Variants in ABRA observed in about 807,000 individuals in gnomAD.
ABRA encodes actin binding Rho activating protein.
ABRA carries 25 observed loss-of-function variants against 33.4 expected under a neutral mutation model. That is an observed-to-expected ratio of 0.75 (90% CI 0.55 to 1.04). The LOEUF is 1.04. Among genes scored for constraint, ABRA ranks in the 50% least tolerant of loss-of-function variants. The pLI is 0.00. For synonymous variants in ABRA, 193 were observed against 176.8 expected (o/e 1.09, Z -0.73); for missense variants, 501 against 491.7 (o/e 1.02, Z -0.18).
At chr8:106,763,616 T>C (rs1185617518) in intron 1 of ABRA, among the ~76,000 whole-genome samples, 1 of 152,164 alleles carries the variant, frequency 6.6e-6, no homozygotes, top group African/African-American at 2.4e-5. Context: ...ACCTTGTCCC[T>C]TGTGAGCCAT....
At chr8:106,763,724 A>G (rs1836169346) in intron 1 of ABRA, among the ~76,000 whole-genome samples, 1 of 152,238 alleles carries the variant, frequency 6.6e-6, no homozygotes, top group African/African-American at 2.4e-5. Flanking sequence ...GCCAGACTTA[A>G]CAGCTGAGGT....
chr8:106,769,220 T>C (rs1201660874), intron 1 of ABRA, among the ~76,000 whole-genome samples: 1 of 152,206 alleles, frequency 6.6e-6, no homozygotes, highest in East Asian at 1.9e-4. Flanking sequence ...ACTTAAAGAA[T>C]TCACGAAAAA....
Position 106,769,627 on chromosome 8 carries a change from GC to G in ABRA, c.563del (p.Ser188ThrfsTer2). 1 of 1,614,120 alleles carries G rather than the reference GC, an allele frequency of 6.2e-7. No homozygotes were observed. Among genetic ancestry groups the G allele is most frequent in the Non-Finnish European group, 8.5e-7 (1 of 1,180,016 alleles). Reference protein sequence around the residue: ...EQEEPTWRSDSVDTEDSGYGG... With the variant: ...EQEEPTWRSDXVDTEDSGYGG... ...CATAGCCGCTGTCCTCTGTGTCTAC[GC>G]TGTCACTCCTCCATGTGGGCTCCTC... On this transcript the variant is annotated frameshift_variant, in exon 1 of 2. Transcript: ENST00000311955. LOFTEE classifies it high-confidence loss of function.
intron 1 of ABRA, among the ~76,000 whole-genome samples, chr8:106,763,733 G>C (rs981015760): frequency 6.6e-6 from 1 of 152,220 alleles, no homozygotes; most frequent in African/African-American, 2.4e-5. Flanking sequence ...AACAGCTGAG[G>C]TGTCCTGCCA....
chr8:106,767,340 C>A (rs1016983320), intron 1 of ABRA, among the ~76,000 whole-genome samples: 10 of 152,230 alleles, frequency 6.6e-5, no homozygotes, highest in African/African-American at 2.4e-4. Flanking sequence ...AGTCTTTATT[C>A]TTTTGGACCC....
chr8:106,769,866 C>T lies in ABRA; in HGVS notation c.325G>A (p.Val109Met), dbSNP rs763521260. 2 of 1,614,154 alleles carry T rather than the reference C, an allele frequency of 1.2e-6. No individual in the cohort carries two copies. The highest frequency in any genetic ancestry group is 1.7e-6 in the Non-Finnish European group (2 of 1,180,038). Residue 109 changes from valine to methionine, a missense_variant, in exon 1 of 2, where the codon GTG (valine) becomes ATG (methionine). Coordinates refer to ENST00000311955, the MANE Select transcript of ABRA (RefSeq NM_139166.5). ...PEVSHIKKKEVSKTVVSKTYE... is the reference protein window; with the variant it reads ...PEVSHIKKKEMSKTVVSKTYE... The stretch of plus-strand genomic sequence containing the variant: ...GTCTTGCTGACCACCGTTTTGGACA[C>T]CTCTTTCTTTTTGATGTGAGAAACC...
intron 1 of ABRA, among the ~76,000 whole-genome samples, chr8:106,767,325 C>G (rs182597171): frequency 1.7e-4 from 26 of 152,244 alleles, no homozygotes; most frequent in Admixed American, 1.5e-3. Flanking sequence ...TCATTGTGCC[C>G]CCTCAGTCTT....
chr8:106,766,984 T>A (rs1202336856), intron 1 of ABRA, among the ~76,000 whole-genome samples: 1 of 152,232 alleles, frequency 6.6e-6, no homozygotes, highest in Non-Finnish European at 1.5e-5. Flanking sequence ...CAGCCTGATT[T>A]GGGGAACCCC....
rs202188968 is a variant in ABRA, at chr8:106,761,061, A to G, written c.1122T>C (p.His374=). Residue 374 remains histidine, a synonymous_variant, in exon 2 of 2, where the codon CAT becomes CAC. Transcript: ENST00000311955. ...TTCACTTGAGTAGCGTAATCACAAC[A>G]TGGTCATCTCGGCCTTGCCATAGCA... ...GEMLWQGRDD[H]VVITLLK is the part of the protein sequence containing the mutation. 2.2e-5 allele frequency: 35 copies of G among 1,613,944 alleles called. No homozygotes were observed. The highest frequency in any genetic ancestry group is 2.7e-5 in the African/African-American group (2 of 74,932).
chr8:106,762,947 G>T (rs533039336), intron 1 of ABRA, among the ~76,000 whole-genome samples: 11 of 152,128 alleles, frequency 7.2e-5, no homozygotes, highest in African/African-American at 2.7e-4. Flanking sequence ...CATCACAAGC[G>T]TCCCACCCTC....
In ABRA at chr8:106,761,140, A is replaced by C. The variant is rs1389284989; in HGVS notation, c.1043T>G (p.Val348Gly). The C allele has an allele frequency of 6.2e-6, 10 of 1,614,082 alleles. No homozygotes were observed. The Admixed American group carries it at 1.2e-4, about 19-fold the overall frequency. Reference sequence around the variant, plus strand: ...TTTCCTGGCACGCATGAGAATGCCCACTACTTTATCTGAAATACGAACGTA... The same window carrying C: ...TTTCCTGGCACGCATGAGAATGCCCCCTACTTTATCTGAAATACGAACGTA... ...DRYVRISDKV[V>G]GILMRARKHG... is the part of the protein sequence containing the mutation. The change falls in exon 2 of 2, where the codon GTG becomes GGG. Residue 348 changes from valine (V) to glycine (G), a missense_variant. Val to Gly is a moderately radical substitution (Grantham distance 109, BLOSUM62 -3). Transcript: ENST00000311955.
intron 1 of ABRA, among the ~76,000 whole-genome samples, chr8:106,764,591 G>T (rs1481319721): frequency 1.3e-5 from 2 of 152,216 alleles, no homozygotes; most frequent in Non-Finnish European, 2.9e-5. Context: ...GGCAGAGATT[G>T]CAGTGAGCCG....
Position 106,761,363 on chromosome 8 carries a change from C to T in ABRA, c.820G>A (p.Ala274Thr). ...PFSEEFDYELAMSTRLHKGDE... is the reference protein window; with the variant it reads ...PFSEEFDYELTMSTRLHKGDE... The stretch of plus-strand genomic sequence containing the variant: ...CCTTTGTGTAGGCGGGTGGACATGG[C>T]CAGCTCGTAATCAAACTCTTCACTG... The change falls in exon 2 of 2, where the codon GCC becomes ACC. Residue 274 changes from alanine to threonine, a missense_variant. By Grantham distance (58) the Ala-to-Thr change is moderately conservative. Transcript: ENST00000311955. The T allele has an allele frequency of 6.2e-7, 1 of 1,614,134 alleles. No individual in the cohort carries two copies. The highest frequency in any genetic ancestry group is 8.5e-7 in the Non-Finnish European group (1 of 1,180,032).
intron 1 of ABRA, among the ~76,000 whole-genome samples, chr8:106,766,767 G>C (rs1836227243): frequency 6.6e-6 from 1 of 152,174 alleles, no homozygotes; most frequent in African/African-American, 2.4e-5. Flanking sequence ...CCTGTATTAT[G>C]ATGAGTACAA....
intron 1 of ABRA, among the ~76,000 whole-genome samples, chr8:106,768,713 G>A (rs567359283): frequency 1.6e-4 from 25 of 152,182 alleles, no homozygotes; most frequent in South Asian, 1.0e-3. Flanking sequence ...GGCTCACTCC[G>A]ACATCAGCCT....
At chr8:106,768,094 C>CAAAA (rs397957500) in intron 1 of ABRA, among the ~76,000 whole-genome samples, 1 of 106,642 alleles carries the variant, frequency 9.4e-6, no homozygotes, top group Non-Finnish European at 2.0e-5. Context: ...GACTTCATCT[C>CAAAA]AAAAAAAAAA....
intron 1 of ABRA, among the ~76,000 whole-genome samples, chr8:106,766,449 A>G (rs568414430): frequency 1.2e-4 from 19 of 152,150 alleles, no homozygotes; most frequent in Non-Finnish European, 2.4e-4. Flanking sequence ...ATAATTAAAA[A>G]TAAGTGGACA....
intron 1 of ABRA, 43 bp from the exon 2 acceptor site, chr8:106,761,557 A>G: frequency 6.6e-7 from 1 of 1,515,260 alleles, no homozygotes; most frequent in Non-Finnish European, 9.0e-7. Flanking sequence ...CAGATATGTT[A>G]ACACCGAGTG....
At chr8:106,767,374 T>G (rs1311239276) in intron 1 of ABRA, among the ~76,000 whole-genome samples, 1 of 152,186 alleles carries the variant, frequency 6.6e-6, no homozygotes, top group Non-Finnish European at 1.5e-5. Context: ...CTAGCACACA[T>G]GTCCCAAGAT....
Sources: gnomAD v4.1 joint callset for allele counts (sites outside exome capture counted in the v4.1 genomes callset) on GRCh38, gnomAD v4.1.1 for gene constraint, MANE v1.5 for transcripts, NCBI Gene and HGNC (gene_info 2026-07-23, HGNC 2026-07-21) for gene names.